HLTF: variants seen among roughly 807,000 people sequenced by gnomAD.
HLTF encodes DNA-dependent ATPase/E3 ubiquitin-protein ligase HLTF.
Under a neutral mutation model 129.4 loss-of-function variants are expected in HLTF, and 127 were observed. The observed-to-expected ratio is 0.98, with a 90% CI of 0.85 to 1.14. HLTF has a LOEUF of 1.14. Ranked by LOEUF, HLTF falls within the 50% of genes most tolerant of loss-of-function variation. The pLI is 0.00. For missense variants in HLTF, 1,139 were observed against 1,187.1 expected, an observed-to-expected ratio of 0.96 and a Z score of 0.60; for synonymous variants, 332 against 388.8, an observed-to-expected ratio of 0.85 and a Z score of 1.72.
intron 8 of HLTF, 34 bp downstream of exon 8, chr3:149,068,206 G>A (rs1358903156): frequency 3.6e-6 from 3 of 836,524 alleles, no homozygotes; most frequent in Admixed American, 2.5e-5. Context: ...ATAAACTGGA[G>A]GTTTCACATA....
intron 2 of HLTF, 137 bp downstream of exon 2, chr3:149,084,545 T>C: frequency 4.4e-6 from 3 of 675,064 alleles, no homozygotes; most frequent in Non-Finnish European, 7.4e-6. Flanking sequence ...AAGGTATTTG[T>C]TATTTTTTGC....
intron 8 of HLTF, among the ~76,000 whole-genome samples, chr3:149,066,529 A>ATT (rs775984967): frequency 2.1e-5 from 3 of 143,092 alleles, no homozygotes; most frequent in South Asian, 2.2e-4. Flanking sequence ...AAGAGTGACA[A>ATT]TTTTTTTTTT....
intron 7 of HLTF, among the ~76,000 whole-genome samples, 193 bp from the exon 8 acceptor site, chr3:149,068,528 A>G (rs1348802784): frequency 6.6e-6 from 1 of 152,204 alleles, no homozygotes; most frequent in African/African-American, 2.4e-5. Context: ...TTAGGGAATT[A>G]TTAAATGATT....
intron 14 of HLTF, among the ~76,000 whole-genome samples, chr3:149,053,196 T>C (rs897398982): frequency 1.1e-4 from 17 of 152,326 alleles, no homozygotes; most frequent in Admixed American, 5.9e-4. Flanking sequence ...TTCTTGATCA[T>C]TGAAATCGTT....
At chr3:149,033,021 A>ATTC (rs1326082780) in intron 24 of HLTF, among the ~76,000 whole-genome samples, 1 of 151,892 alleles carries the variant, frequency 6.6e-6, no homozygotes, top group Admixed American at 6.6e-5. Flanking sequence ...CTTTAGTATA[A>ATTC]TTCACAACAC....
At chr3:149,085,779 A>T (rs1720318325) in intron 1 of HLTF, among the ~76,000 whole-genome samples, 1 of 152,214 alleles carries the variant, frequency 6.6e-6, no homozygotes, top group Non-Finnish European at 1.5e-5. Flanking sequence ...ATGACCATAA[A>T]TACCAATTTG....
Position 149,046,201 on chromosome 3 carries a change from T to C in HLTF, c.1951A>G (p.Lys651Glu). The C allele has an allele frequency of 3.1e-6, 5 of 1,606,604 alleles. No homozygotes were observed. Among genetic ancestry groups the C allele is most frequent in the Non-Finnish European group, 3.4e-6 (4 of 1,174,244 alleles). The stretch of plus-strand genomic sequence containing the variant: ...GGTAACTCCAAAACAGGTTTTCCTT[T>C]AATTTTGCTTGTCTTTGTTCTTCTA... ...TLRRTKTSKI[K>E]GKPVLELPER... Residue 651 changes from lysine (K) to glutamate (E), a missense_variant, in exon 18 of 25, where the codon AAA becomes GAA. Physicochemically the swap from Lys to Glu is moderately conservative, Grantham distance 56. Transcript: ENST00000310053.
intron 18 of HLTF, among the ~76,000 whole-genome samples, chr3:149,043,141 T>C (rs950807490): frequency 2.1e-5 from 3 of 141,812 alleles, no homozygotes; most frequent in African/African-American, 7.8e-5. Context: ...TTTGAAAAAA[T>C]ATGGCAAGAG....
chr3:149,085,303 C>T (rs900189941), intron 1 of HLTF, among the ~76,000 whole-genome samples: 1 of 152,074 alleles, frequency 6.6e-6, no homozygotes, highest in African/African-American at 2.4e-5. Context: ...CCAACCTGGC[C>T]AACATTGTGA....
rs1425945714 is a variant in HLTF, at chr3:149,064,220, C to A, written c.1066+571G>T. 2.6e-5 allele frequency among the ~76,000 whole-genome samples: 4 copies of A among 152,258 alleles called. No homozygotes were observed. In the East Asian group the frequency reaches 7.7e-4, roughly 29 times the overall value. ...CAAAAAAAACCTCATCTTACCCTAA[C>A]TCGCCACCTTTCTATTTCTTTCCTG... On this transcript the variant is annotated intron_variant, in intron 9 of 24. Coordinates refer to ENST00000310053, the MANE Select transcript of HLTF (RefSeq NM_003071.4).
chr3:149,055,191 G>A (rs939219542), intron 14 of HLTF, 112 bp downstream of exon 14: 11 of 670,980 alleles, frequency 1.6e-5, no homozygotes, highest in Non-Finnish European at 2.7e-5. Flanking sequence ...ACTTAGATAC[G>A]AACTGATGAC....
chr3:149,059,764 T>A lies in HLTF; in HGVS notation c.1329A>T (p.Ala443=). ...TTGTTGTAGGAACAGATGAAGTTAA[T>A]GCACATGCAAATGCCACATCTTCTA... is the stretch of plus-strand genomic sequence containing the variant. ...KVIEDVAFAC[A]LTSSVPTTKK... Residue 443 remains alanine (A), a synonymous_variant, in exon 13 of 25, where the codon GCA becomes GCT. Coordinates refer to ENST00000310053, the MANE Select transcript of HLTF (RefSeq NM_003071.4). The A allele has an allele frequency of 6.2e-7, 1 of 1,604,980 alleles. No homozygotes were observed. The highest frequency in any genetic ancestry group is 8.5e-7 in the Non-Finnish European group (1 of 1,176,136).
intron 18 of HLTF, among the ~76,000 whole-genome samples, chr3:149,043,523 A>AG (rs1383127638): frequency 6.7e-6 from 1 of 149,982 alleles, no homozygotes; most frequent in African/African-American, 2.5e-5. Context: ...GAAAGTCAAC[A>AG]AAGAAGTTGC....
rs1426017670 is a variant in HLTF, at chr3:149,034,054, T to C, written c.2877+864A>G. 3.9e-5 allele frequency among the ~76,000 whole-genome samples: 6 copies of C among 152,240 alleles called. No homozygotes were observed. The East Asian group carries it at 1.2e-3, about 29-fold the overall frequency. On this transcript the variant is annotated intron_variant, in intron 24 of 24. Coordinates refer to ENST00000310053, the MANE Select transcript of HLTF (RefSeq NM_003071.4). ...AACTATGAGAACTGGACAGAAGATA[T>C]AAATAATTCACAGAAAAAATGTTAA...
chr3:149,056,774 A>ATGCACT (rs1253305428), intron 13 of HLTF, among the ~76,000 whole-genome samples: 3 of 152,266 alleles, frequency 2.0e-5, no homozygotes, highest in African/African-American at 7.2e-5. Context: ...GAACTATGTG[A>ATGCACT]TGCACTTACA....
intron 20 of HLTF, among the ~76,000 whole-genome samples, chr3:149,040,446 T>A (rs1241371113): frequency 6.8e-6 from 1 of 148,098 alleles, no homozygotes; most frequent in Non-Finnish European, 1.5e-5. Flanking sequence ...AAAAAAAAAA[T>A]CTATGAATAA....
At chr3:149,056,109 G>A (rs1211313217) in intron 13 of HLTF, among the ~76,000 whole-genome samples, 2 of 152,100 alleles carry the variant, frequency 1.3e-5, no homozygotes, top group Non-Finnish European at 2.9e-5. Context: ...AGATGACGGC[G>A]GCCCCTGAAG....
At position 149,034,913 on chromosome 3, in the gene HLTF, C is replaced by G. The variant is rs1715441806; in HGVS notation, c.2877+5G>C. The G allele has an allele frequency of 6.2e-7, 1 of 1,601,528 alleles. No individual in the cohort carries two copies. Among genetic ancestry groups the G allele is most frequent in the Admixed American group, 1.7e-5 (1 of 59,950 alleles). ...AGTCTTAAAATAGTTTGTTTAAAAA[C>G]TCACTTTTGTGATGATAACTTCTTG... is the stretch of plus-strand genomic sequence containing the variant. On this transcript the variant is annotated splice_donor_5th_base_variant and intron_variant, in intron 24 of 24. Coordinates refer to ENST00000310053, the MANE Select transcript of HLTF (RefSeq NM_003071.4).
chr3:149,084,130 A>C (rs1720126555), intron 2 of HLTF, among the ~76,000 whole-genome samples: 1 of 152,134 alleles, frequency 6.6e-6, no homozygotes, highest in South Asian at 2.1e-4. Flanking sequence ...TGCCACAAGT[A>C]TGAAAATATA....
Sources: gnomAD v4.1 joint callset for allele counts (sites outside exome capture counted in the v4.1 genomes callset) on GRCh38, gnomAD v4.1.1 for gene constraint, MANE v1.5 for transcripts, NCBI Gene and HGNC (gene_info 2026-07-23, HGNC 2026-07-21) for gene names.